EYS: variants seen among roughly 807,000 people sequenced by gnomAD.
EYS encodes protein eyes shut homolog.
In EYS, 250 loss-of-function variants were observed where a neutral mutation model predicts 282.1. The observed-to-expected ratio is 0.89, with a 90% CI of 0.80 to 0.98. The LOEUF (loss-of-function observed/expected upper bound fraction) is 0.98, where lower values mean the gene tolerates loss of function less well. Among genes scored for constraint, EYS ranks in the 50% least tolerant of loss-of-function variants. EYS has a pLI of 0.00. For missense variants in EYS, 4,016 were observed against 3,709.0 expected (o/e 1.08, Z -2.15); for synonymous variants, 1,355 against 1,282.9 (o/e 1.06, Z -1.20).
At chr6:64,900,951 T>C (rs1767634534) in intron 18 of EYS, among the ~76,000 whole-genome samples, 2 of 152,070 alleles carry the variant, frequency 1.3e-5, no homozygotes, top group South Asian at 4.2e-4. Context: ...CGCATGTTTA[T>C]TGCAGCACTA....
intron 5 of EYS, among the ~76,000 whole-genome samples, chr6:65,427,854 G>T (rs1767722451): frequency 6.6e-6 from 1 of 151,890 alleles, no homozygotes; most frequent in Non-Finnish European, 1.5e-5. Context: ...GAGAAAGCAG[G>T]AGATTCAAAA....
intron 12 of EYS, among the ~76,000 whole-genome samples, chr6:65,233,534 G>A (rs769719538): frequency 2.4e-4 from 36 of 152,244 alleles, no homozygotes; most frequent in Admixed American, 1.3e-3. Context: ...TCCTTAGCCA[G>A]TTGGAGTTTT....
chr6:64,809,742 C>T (rs746937129), intron 22 of EYS, among the ~76,000 whole-genome samples: 34 of 151,948 alleles, frequency 2.2e-4, no homozygotes, highest in African/African-American at 8.0e-4. Context: ...AAACACCATA[C>T]GTTCTCCATA....
chr6:64,786,185 TACA>T lies in EYS; in HGVS notation c.3443+27190_3443+27192del, dbSNP rs1386873974. On this transcript the variant is annotated intron_variant, in intron 22 of 42. Transcript: ENST00000503581. Reference sequence around the variant, plus strand: ...TAGACTTGGTAGTCTTTACTGGTTCTACATTTTTTTTTTTTTTTTTGGTTTTAA... The same window carrying T: ...TAGACTTGGTAGTCTTTACTGGTTCTTTTTTTTTTTTTTTTTTGGTTTTAA... Among the ~76,000 whole-genome samples the T allele has an allele frequency of 3.9e-5, 2 of 51,550 alleles. 1 individual carries two copies. The allele number at this position is 51,550 out of a possible 152,430, so 33.8% of individuals were successfully genotyped here. A position where few individuals can be genotyped will look rare whatever the true frequency, so the allele number is the denominator to read the frequency against.
chr6:65,423,118 C>T (rs1347550276), intron 5 of EYS, among the ~76,000 whole-genome samples: 1 of 151,778 alleles, frequency 6.6e-6, no homozygotes. Context: ...TCCTCACCCA[C>T]ATAAAAATTA....
intron 2 of EYS, among the ~76,000 whole-genome samples, chr6:65,511,366 T>TGA (rs1157546569): frequency 0.044 from 6,344 of 145,780 alleles, 265 homozygotes; most frequent in African/African-American, 0.11. Flanking sequence ...TGTGTGTGTG[T>TGA]GAGAGAGAGA....
chr6:65,254,718 T>C (rs962023927), intron 12 of EYS, among the ~76,000 whole-genome samples: 10 of 151,914 alleles, frequency 6.6e-5, no homozygotes, highest in African/African-American at 2.4e-4. Flanking sequence ...TGTTAATAAG[T>C]GGATGTTTGG....
chr6:65,201,161 C>G (rs990930515), intron 12 of EYS, among the ~76,000 whole-genome samples: 1 of 152,076 alleles, frequency 6.6e-6, no homozygotes, highest in African/African-American at 2.4e-5. Context: ...TAGGTAAAAT[C>G]TTGCTATGAA....
chr6:65,016,883 T>C (rs1176447794), intron 13 of EYS, among the ~76,000 whole-genome samples: 2 of 152,342 alleles, frequency 1.3e-5, no homozygotes, highest in African/African-American at 4.8e-5. Flanking sequence ...AAGATCTAGC[T>C]AACACTGTAT....
intron 12 of EYS, among the ~76,000 whole-genome samples, chr6:65,272,486 C>G (rs1040659004): frequency 7.2e-5 from 11 of 152,062 alleles, no homozygotes; most frequent in African/African-American, 2.4e-4. Flanking sequence ...TAGCCAGGAG[C>G]CCAGCCATTC....
At chr6:64,331,637 A>G (rs964916801) in intron 29 of EYS, among the ~76,000 whole-genome samples, 3 of 149,584 alleles carry the variant, frequency 2.0e-5, no homozygotes, top group African/African-American at 4.9e-5. Context: ...CAAGGAATGC[A>G]TATGGGAAAA....
intron 2 of EYS, among the ~76,000 whole-genome samples, chr6:65,540,263 C>T (rs1247860235): frequency 6.6e-6 from 1 of 152,124 alleles, no homozygotes; most frequent in Admixed American, 6.6e-5. Context: ...TAACCTGCCC[C>T]ACTATCTAGT....
chr6:64,148,180 A>T (rs1393523181), intron 31 of EYS, among the ~76,000 whole-genome samples: 1 of 152,204 alleles, frequency 6.6e-6, no homozygotes, highest in Non-Finnish European at 1.5e-5. Flanking sequence ...AAACACAGTT[A>T]AAATTTTGTT....
At chr6:64,761,925 T>C (rs1007378054) in intron 22 of EYS, among the ~76,000 whole-genome samples, 1 of 152,124 alleles carries the variant, frequency 6.6e-6, no homozygotes, top group South Asian at 2.1e-4. Flanking sequence ...GAAATATTGG[T>C]TAAGAGTATA....
chr6:65,076,683 TAC>T (rs36094243), intron 12 of EYS, among the ~76,000 whole-genome samples: 35,615 of 149,260 alleles, frequency 0.24, 4,825 homozygotes, highest in South Asian at 0.32. Context: ...CATAAATATA[TAC>T]ACACACACAC....
At chr6:64,252,225 C>T (rs1450115864) in intron 30 of EYS, among the ~76,000 whole-genome samples, 1 of 152,098 alleles carries the variant, frequency 6.6e-6, no homozygotes, top group African/African-American at 2.4e-5. Flanking sequence ...AGCTCTCACC[C>T]TCTGCACTCT....
At chr6:64,863,234 G>A (rs536409668) in intron 19 of EYS, among the ~76,000 whole-genome samples, 68 of 152,070 alleles carry the variant, frequency 4.5e-4, no homozygotes, top group African/African-American at 1.6e-3. Context: ...ATCCATTTTA[G>A]TTTTAGAAAG....
At chr6:64,080,194 A>C (rs1771915962) in intron 32 of EYS, among the ~76,000 whole-genome samples, 1 of 152,020 alleles carries the variant, frequency 6.6e-6, no homozygotes, top group Non-Finnish European at 1.5e-5. Flanking sequence ...ACAGTGTAAA[A>C]ATTCTCCACA....
At chr6:63,836,769 G>A (rs576250197) in intron 36 of EYS, among the ~76,000 whole-genome samples, 2 of 152,090 alleles carry the variant, frequency 1.3e-5, no homozygotes, top group South Asian at 4.1e-4. Context: ...CTGTTGCTTG[G>A]GGAATGAGGA....
Sources: allele counts gnomAD v4.1 joint callset (sites outside exome capture counted in the v4.1 genomes callset), GRCh38; gene constraint gnomAD v4.1.1; transcripts MANE v1.5; gene names NCBI Gene and HGNC (gene_info 2026-07-23, HGNC 2026-07-21).